Variants in CREM observed in about 807,000 individuals in gnomAD.
CREM encodes cAMP responsive element modulator, also known as cAMP-responsive element modulator.
CREM carries 13 observed loss-of-function variants against 37.3 expected under a neutral mutation model. The observed-to-expected ratio is 0.35, with a 90% CI of 0.23 to 0.55. The LOEUF is 0.55. CREM is among the 20% of genes least tolerant of loss of function. CREM has a pLI of 0.88. For synonymous variants in CREM, 124 were observed against 120.2 expected, an observed-to-expected ratio of 1.03 and a Z score of -0.21; for missense variants, 296 against 362.3, an observed-to-expected ratio of 0.82 and a Z score of 1.49.
chr10:35,199,334 T>C (rs561158076), intron 6 of CREM, among the ~76,000 whole-genome samples: 162 of 152,328 alleles, frequency 1.1e-3, no homozygotes, highest in African/African-American at 3.8e-3. Context: ...TTTTGAAAAA[T>C]GCATAACGAA....
chr10:35,169,332 T>A lies in CREM; in HGVS notation c.169-9557T>A, dbSNP rs570335639. On this transcript the variant is annotated intron_variant, in intron 3 of 7. Transcript: ENST00000685392. ...CCTTCACATCCCTTGTAAGTTGGAT[T>A]CCTAGGTATTTTATTCTCTTTGAAG... is the stretch of plus-strand genomic sequence containing the variant. Among the ~76,000 whole-genome samples, 412 of 152,312 alleles carry A rather than the reference T, an allele frequency of 2.7e-3. 1 individual carries two copies. The highest frequency in any genetic ancestry group is 8.1e-3 in the Admixed American group (124 of 15,302).
intron 3 of CREM, among the ~76,000 whole-genome samples, chr10:35,175,107 T>A (rs980830923): frequency 1.3e-5 from 2 of 152,198 alleles, no homozygotes; most frequent in African/African-American, 4.8e-5. Context: ...AAGCATCAGC[T>A]CACATCCAGA....
At chr10:35,138,259 C>T (rs983790795) in intron 2 of CREM, among the ~76,000 whole-genome samples, 6 of 152,200 alleles carry the variant, frequency 3.9e-5, no homozygotes, top group Non-Finnish European at 7.4e-5. Flanking sequence ...TCTCTACCAA[C>T]GTTTTAAAAA....
At chr10:35,187,213 ATATT>A (rs1481172579) in intron 5 of CREM, among the ~76,000 whole-genome samples, 2 of 104,878 alleles carry the variant, frequency 1.9e-5, no homozygotes, top group African/African-American at 7.5e-5. Context: ...TATATATTAT[ATATT>A]TATATATATA....
In CREM at chr10:35,144,935, T is replaced by C. The variant is rs1207269491; in HGVS notation, c.45-3433T>C. Among the ~76,000 whole-genome samples the C allele has an allele frequency of 3.3e-5, 5 of 151,812 alleles. No individual in the cohort carries two copies. The East Asian group carries it at 5.8e-4, about 18-fold the overall frequency. ...AGCACTTTGGGAGACTGAAGCGGGC[T>C]GATCACTTGAGGCCAGGAGTTGGAG... is the stretch of plus-strand genomic sequence containing the variant. On this transcript the variant is annotated intron_variant, in intron 2 of 7. Coordinates refer to ENST00000685392, the MANE Select transcript of CREM (RefSeq NM_183011.2).
chr10:35,210,701 T>C (rs968041722), intron 7 of CREM: 1 of 152,256 alleles, frequency 6.6e-6, no homozygotes, highest in African/African-American at 2.4e-5. Flanking sequence ...TTTATTGTTA[T>C]GATTTATCCA....
intron 3 of CREM, among the ~76,000 whole-genome samples, chr10:35,153,240 C>T (rs1297117804): frequency 6.6e-6 from 1 of 152,028 alleles, no homozygotes; most frequent in African/African-American, 2.4e-5. Flanking sequence ...GACGACATAG[C>T]GAGACCTTGT....
chr10:35,160,508 C>T (rs1357667792), intron 3 of CREM, among the ~76,000 whole-genome samples: 7 of 152,190 alleles, frequency 4.6e-5, no homozygotes, highest in African/African-American at 1.7e-4. Flanking sequence ...AAGTGATCCT[C>T]CTGTCTCAGC....
intron 3 of CREM, chr10:35,167,797 A>G: frequency 6.2e-7 from 1 of 1,613,962 alleles, no homozygotes; most frequent in Non-Finnish European, 8.5e-7. Context: ...GGGATGTGGA[A>G]GAAAAGGTAA....
intron 1 of CREM, among the ~76,000 whole-genome samples, chr10:35,131,429 A>G (rs760856921): frequency 6.6e-5 from 10 of 151,984 alleles, no homozygotes; most frequent in Non-Finnish European, 1.2e-4. Flanking sequence ...CTTAATCTCA[A>G]TTTTTTTATT....
intron 5 of CREM, among the ~76,000 whole-genome samples, chr10:35,186,479 AAC>A (rs2094556311): frequency 1.3e-5 from 2 of 151,764 alleles, no homozygotes; most frequent in Non-Finnish European, 1.5e-5. Context: ...TCCTTTTAGT[AAC>A]AGTTACTTTT....
Position 35,188,216 on chromosome 10 carries a change from TG to T in CREM, c.428del (p.Gly143GlufsTer19). 6.2e-7 allele frequency: 1 copy of T among 1,613,348 alleles called. No individual in the cohort carries two copies. The highest frequency in any genetic ancestry group is 8.5e-7 in the Non-Finnish European group (1 of 1,179,806). ...TGQYIAIAQGGTIQISNPGSD... is the reference protein window; with the variant it reads ...TGQYIAIAQGXTIQISNPGSD... ...TCTGTTAAGTTGCTATAGCCCAAGGTGGAACAATCCAGATTTCTAACCCAGG... is the reference window on the plus strand; with the variant it reads ...TCTGTTAAGTTGCTATAGCCCAAGGTGAACAATCCAGATTTCTAACCCAGG... On this transcript the variant is annotated frameshift_variant, in exon 6 of 8. Coordinates refer to ENST00000685392, the MANE Select transcript of CREM (RefSeq NM_183011.2). LOFTEE classifies it high-confidence loss of function.
intron 1 of CREM, among the ~76,000 whole-genome samples, chr10:35,132,197 G>A (rs1371597670): frequency 7.9e-6 from 1 of 126,662 alleles, no homozygotes; most frequent in Non-Finnish European, 1.6e-5. Flanking sequence ...CGAGACTTGA[G>A]TCTCAAAAAA....
intron 1 of CREM, 31 bp from the exon 2 acceptor site, chr10:35,137,751 C>T: frequency 2.0e-6 from 2 of 987,736 alleles, no homozygotes; most frequent in Non-Finnish European, 2.9e-6. Flanking sequence ...ATGTTACGAT[C>T]TCCCAATTCA....
chr10:35,201,394 A>C, intron 6 of CREM: 1 of 1,546,198 alleles, frequency 6.5e-7, no homozygotes, highest in South Asian at 1.2e-5. Flanking sequence ...ACACTTTGAC[A>C]TACATTGTAG....
intron 5 of CREM, among the ~76,000 whole-genome samples, chr10:35,181,705 C>T (rs1312652390): frequency 6.6e-6 from 1 of 152,122 alleles, no homozygotes; most frequent in African/African-American, 2.4e-5. Flanking sequence ...GAGACCCTGT[C>T]TCTACAAAAG....
At chr10:35,184,473 A>C (rs140933262) in intron 5 of CREM, among the ~76,000 whole-genome samples, 1 of 152,292 alleles carries the variant, frequency 6.6e-6, no homozygotes, top group East Asian at 1.9e-4. Context: ...TTGTCAGATG[A>C]GAGAGAACAT....
At chr10:35,181,836 G>A (rs753163486) in intron 5 of CREM, among the ~76,000 whole-genome samples, 5 of 152,176 alleles carry the variant, frequency 3.3e-5, no homozygotes, top group Non-Finnish European at 5.9e-5. Flanking sequence ...TTGCACCACT[G>A]CACTGTCCAA....
At chr10:35,134,787 C>T (rs1554881930) in intron 1 of CREM, among the ~76,000 whole-genome samples, 1 of 152,086 alleles carries the variant, frequency 6.6e-6, no homozygotes, top group Non-Finnish European at 1.5e-5. Flanking sequence ...CCTGTAATCC[C>T]AGCACTTTGG....
Sources: allele counts gnomAD v4.1 joint callset (sites outside exome capture counted in the v4.1 genomes callset), GRCh38; gene constraint gnomAD v4.1.1; transcripts MANE v1.5; gene names NCBI Gene and HGNC (gene_info 2026-07-23, HGNC 2026-07-21).